The following SLC2A10 variants were observed in gnomAD, a reference collection of about 807,000 sequenced individuals.
SLC2A10 encodes solute carrier family 2, facilitated glucose transporter member 10.
SLC2A10 carries 25 observed loss-of-function variants against 32.1 expected under a neutral mutation model. The ratio of observed to expected loss-of-function variants is 0.78; its 90% CI spans 0.57 to 1.09. The LOEUF (loss-of-function observed/expected upper bound fraction) is 1.09. SLC2A10 is among the 50% of genes least tolerant of loss of function. The pLI, the probability that SLC2A10 is intolerant of heterozygous loss-of-function variation, is 0.00. For synonymous variants in SLC2A10, 332 were observed against 309.6 expected (o/e 1.07, Z -0.76); for missense variants, 673 against 686.5 (o/e 0.98, Z 0.22).
intron 1 of SLC2A10, among the ~76,000 whole-genome samples, chr20:46,710,699 G>A (rs1324338032): frequency 6.6e-6 from 1 of 152,182 alleles, no homozygotes; most frequent in African/African-American, 2.4e-5. Flanking sequence ...ATGAGTTTGT[G>A]TGGCCCAGGC....
At chr20:46,733,239 G>A (rs191440076) in intron 4 of SLC2A10, among the ~76,000 whole-genome samples, 345 of 152,270 alleles carry the variant, frequency 2.3e-3, no homozygotes, top group African/African-American at 7.3e-3. Flanking sequence ...GGCGGAAGGC[G>A]AAGGGCAGCC....
At chr20:46,709,498 T>C, upstream of SLC2A10, 1 of 460,572 alleles carries the variant, frequency 2.2e-6, no homozygotes, top group Non-Finnish European at 3.8e-6. Flanking sequence ...GAGGGGGTCC[T>C]TGCCAGGCCT....
intron 4 of SLC2A10, among the ~76,000 whole-genome samples, chr20:46,733,470 C>A (rs976432235): frequency 3.3e-5 from 5 of 152,158 alleles, no homozygotes; most frequent in African/African-American, 1.2e-4. Flanking sequence ...CAGATCCAAA[C>A]CATATCAGTG....
At position 46,709,939 on chromosome 20, in the gene SLC2A10, A is replaced by G. The variant is rs542515320; in HGVS notation, c.4+199A>G. ...ACGGGGCTCGGTCGCGCTTCCTTCCATCTTCCTTTCTGCCCCGGAAAAGTG... is the reference window on the plus strand; with the variant it reads ...ACGGGGCTCGGTCGCGCTTCCTTCCGTCTTCCTTTCTGCCCCGGAAAAGTG... On this transcript the variant is annotated intron_variant, in intron 1 of 4. Coordinates refer to ENST00000359271, the MANE Select transcript of SLC2A10 (RefSeq NM_030777.4). 7.3e-5 allele frequency: 43 copies of G among 585,354 alleles called. No homozygotes were observed. In the African/African-American group the frequency reaches 7.7e-4, roughly 11 times the overall value. The allele number at this position is 585,354 out of a possible 1,614,324, so 36.3% of individuals were successfully genotyped here.
At chr20:46,714,167 C>T (rs6094436) in intron 1 of SLC2A10, among the ~76,000 whole-genome samples, 1 of 152,156 alleles carries the variant, frequency 6.6e-6, no homozygotes, top group Middle Eastern at 3.4e-3. Context: ...GTCAGGAATC[C>T]TTCATTGGGG....
At chr20:46,719,658 A>T (rs2123024177) in intron 1 of SLC2A10, among the ~76,000 whole-genome samples, 1 of 152,342 alleles carries the variant, frequency 6.6e-6, no homozygotes, top group South Asian at 2.1e-4. Flanking sequence ...TATGGGAGCT[A>T]CAATTTAAGA....
Position 46,725,656 on chromosome 20 carries a change from C to T in SLC2A10, c.620C>T (p.Pro207Leu), listed in dbSNP as rs1490369327. Residue 207 changes from proline (P) to leucine (L), a missense_variant, in exon 2 of 5, where the codon CCC (proline) becomes CTC (leucine). Physicochemically the swap from Pro to Leu is moderately conservative, Grantham distance 98. Coordinates refer to ENST00000359271, the MANE Select transcript of SLC2A10 (RefSeq NM_030777.4). ...DLIPLQGGEA[P>L]KLGPGRPRYS... ...ATCCCACTCCAGGGAGGTGAGGCCC[C>T]CAAGCTGGGCCCGGGGAGGCCACGG... The T allele has an allele frequency of 1.2e-6, 2 of 1,613,932 alleles. No individual in the cohort carries two copies. Among genetic ancestry groups the T allele is most frequent in the Non-Finnish European group, 1.7e-6 (2 of 1,179,976 alleles).
In SLC2A10 at chr20:46,735,118, A is replaced by G. The variant is rs571153769; in HGVS notation, c.*1284A>G. 2.6e-5 allele frequency: 4 copies of G among 152,770 alleles called. No homozygotes were observed. In the South Asian group the frequency reaches 8.3e-4, roughly 32 times the overall value. 9.5% of individuals were successfully genotyped at this position (152,770 alleles called of 1,614,324 possible). Reference sequence around the variant, plus strand: ...GAATCAGATGGGGGACTGAGCAAGTAGCTATGACTGCAGATCATGTAAGGA... The same window carrying G: ...GAATCAGATGGGGGACTGAGCAAGTGGCTATGACTGCAGATCATGTAAGGA... On this transcript the variant is annotated 3_prime_UTR_variant, in exon 5 of 5. Coordinates refer to ENST00000359271, the MANE Select transcript of SLC2A10 (RefSeq NM_030777.4).
At chr20:46,709,830 C>T in intron 1 of SLC2A10, 90 bp downstream of exon 1, 3 of 1,469,370 alleles carry the variant, frequency 2.0e-6, no homozygotes, top group Non-Finnish European at 2.8e-6. Context: ...AGTGCGCGCC[C>T]CCTGGCTCCC....
chr20:46,729,625 G>GGTTTTTTT (rs1980172587), intron 4 of SLC2A10, 137 bp downstream of exon 4: 1 of 257,232 alleles, frequency 3.9e-6, no homozygotes, highest in Non-Finnish European at 6.5e-6. Flanking sequence ...GGCACTATGA[G>GGTTTTTTT]TTTTTTTTTT....
chr20:46,723,994 AC>A (rs1979700398), intron 1 of SLC2A10, among the ~76,000 whole-genome samples: 1 of 152,234 alleles, frequency 6.6e-6, no homozygotes, highest in Admixed American at 6.5e-5. Flanking sequence ...TTGTTCAAAC[AC>A]CAAGAACTGT....
chr20:46,724,953 G>A, intron 1 of SLC2A10, 88 bp from the exon 2 acceptor site: 1 of 1,550,172 alleles, frequency 6.5e-7, no homozygotes, highest in Admixed American at 1.7e-5. Context: ...GATAAATGAA[G>A]GTGTTGACAG....
intron 4 of SLC2A10, 71 bp downstream of exon 4, chr20:46,729,559 A>G: frequency 6.6e-7 from 1 of 1,517,936 alleles, no homozygotes; most frequent in Non-Finnish European, 8.9e-7. Context: ...TCAGGATTTT[A>G]GTCTTTGTGC....
At chr20:46,710,748 A>C (rs1978860517) in intron 1 of SLC2A10, among the ~76,000 whole-genome samples, 1 of 152,236 alleles carries the variant, frequency 6.6e-6, no homozygotes, top group Non-Finnish European at 1.5e-5. Flanking sequence ...CACTGAGGTC[A>C]AAGGGATGGC....
At chr20:46,723,629 C>T (rs1228980210) in intron 1 of SLC2A10, among the ~76,000 whole-genome samples, 2 of 152,190 alleles carry the variant, frequency 1.3e-5, no homozygotes, top group African/African-American at 4.8e-5. Flanking sequence ...CAAAGGCTTC[C>T]AACCACTGAG....
chr20:46,720,046 A>T lies in SLC2A10; in HGVS notation c.5-4995A>T, dbSNP rs545785733. On this transcript the variant is annotated intron_variant, in intron 1 of 4. Transcript: ENST00000359271. ...GCAGATCATATAACAACTTAGAGGAACAGCATCCATTGTTTCATTTTATCT... is the reference window on the plus strand; with the variant it reads ...GCAGATCATATAACAACTTAGAGGATCAGCATCCATTGTTTCATTTTATCT... Among the ~76,000 whole-genome samples, 9 of 152,322 alleles carry T rather than the reference A, an allele frequency of 5.9e-5. No homozygotes were observed. The East Asian group carries it at 1.4e-3, about 23-fold the overall frequency.
rs3091691 is a variant in SLC2A10, at chr20:46,734,294, ATTT to A, written c.*470_*472del. The A allele has an allele frequency of 0.014, 2,623 of 188,494 alleles. 60 individuals are homozygous for A. The highest frequency in any genetic ancestry group is 0.058 in the African/African-American group (2,366 of 40,574). 11.7% of individuals were successfully genotyped at this position (188,494 alleles called of 1,614,324 possible). Reference sequence around the variant, plus strand: ...GGAAGTCTCTTTTTTTACTCTTATCATTTTTTTTTTTTGAGGTGGAGTCTCATT... The same window carrying A: ...GGAAGTCTCTTTTTTTACTCTTATCATTTTTTTTTGAGGTGGAGTCTCATT... On this transcript the variant is annotated 3_prime_UTR_variant, in exon 5 of 5. Transcript: ENST00000359271.
chr20:46,725,621 C>A lies in SLC2A10; in HGVS notation c.585C>A (p.His195Gln). Reference protein sequence around the residue: ...LPAGTDETATHKDLIPLQGGE... With the variant: ...LPAGTDETATQKDLIPLQGGE... ...CTGGTACAGATGAGACTGCAACACACAAGGACCTCATCCCACTCCAGGGAG... is the reference window on the plus strand; with the variant it reads ...CTGGTACAGATGAGACTGCAACACAAAAGGACCTCATCCCACTCCAGGGAG... Residue 195 changes from histidine to glutamine, a missense_variant, in exon 2 of 5, where the codon CAC becomes CAA. By Grantham distance (24) the His-to-Gln change is conservative. Transcript: ENST00000359271. 1.2e-6 allele frequency: 2 copies of A among 1,614,190 alleles called. No homozygotes were observed. The highest frequency in any genetic ancestry group is 3.3e-5 in the Admixed American group (2 of 60,036).
intron 4 of SLC2A10, among the ~76,000 whole-genome samples, chr20:46,733,130 A>C (rs1020535325): frequency 2.6e-5 from 4 of 152,192 alleles, no homozygotes; most frequent in African/African-American, 9.7e-5. Flanking sequence ...TTTATAAAGA[A>C]AAGAGGTTTA....
Sources: gnomAD v4.1 joint callset for allele counts (sites outside exome capture counted in the v4.1 genomes callset) on GRCh38, gnomAD v4.1.1 for gene constraint, MANE v1.5 for transcripts, NCBI Gene and HGNC (gene_info 2026-07-23, HGNC 2026-07-21) for gene names.